The following FLT1 variants were observed in gnomAD, a reference collection of about 807,000 sequenced individuals.
The protein encoded by FLT1 is fms related receptor tyrosine kinase 1.
In FLT1, 49 loss-of-function variants were observed where a neutral mutation model predicts 156.3. The ratio of observed to expected loss-of-function variants is 0.31; its 90% CI spans 0.25 to 0.40. The LOEUF is 0.40. Ranked by LOEUF, FLT1 falls within the 10% of genes least tolerant of loss-of-function variation. FLT1 has a pLI of 1.00. For synonymous variants in FLT1, 594 were observed against 583.8 expected (o/e 1.02, Z -0.25); for missense variants, 1,322 against 1,637.2 (o/e 0.81, Z 3.32).
chr13:28,427,924 G>A lies in FLT1; in HGVS notation c.1107-3C>T, dbSNP rs2137540706. The A allele has an allele frequency of 6.2e-7, 1 of 1,611,936 alleles. No individual in the cohort carries two copies. The highest frequency in any genetic ancestry group is 8.5e-7 in the Non-Finnish European group (1 of 1,178,096). On this transcript the variant is annotated splice_polypyrimidine_tract_variant and splice_region_variant and intron_variant, in intron 8 of 29. Transcript: ENST00000282397. ...TCGCAGGTAACCCATCTTTTAACCTGTGGTTAAAAACATGATCAGTAAGTC... is the reference window on the plus strand; with the variant it reads ...TCGCAGGTAACCCATCTTTTAACCTATGGTTAAAAACATGATCAGTAAGTC...
rs375991605 is a variant in FLT1, at chr13:28,322,410, C to T, written c.2954-51G>A. ...TTTGTAATGGCTCTTGTTATCCCACCAAATCCCAGTTTATTGGAACAATGT... is the reference window on the plus strand; with the variant it reads ...TTTGTAATGGCTCTTGTTATCCCACTAAATCCCAGTTTATTGGAACAATGT... On this transcript the variant is annotated intron_variant, in intron 21 of 29. Transcript: ENST00000282397. The surrounding 1 kb of genome is among the most constrained non-coding windows in gnomAD (Gnocchi z 4.3). 3.7e-4 allele frequency: 421 copies of T among 1,150,076 alleles called. 1 individual carries two copies. Among genetic ancestry groups the T allele is most frequent in the Non-Finnish European group, 5.1e-4 (387 of 757,872 alleles). The allele number at this position is 1,150,076 out of a possible 1,614,324, so 71.2% of individuals were successfully genotyped here.
At chr13:28,343,637 T>C (rs1266055397) in intron 16 of FLT1, among the ~76,000 whole-genome samples, 3 of 151,178 alleles carry the variant, frequency 2.0e-5, no homozygotes, top group Non-Finnish European at 4.4e-5. Flanking sequence ...TCTTTTCTTT[T>C]TTTCTTTCTT....
chr13:28,326,812 A>G (rs961828729), intron 20 of FLT1, among the ~76,000 whole-genome samples: 1 of 152,220 alleles, frequency 6.6e-6, no homozygotes, highest in African/African-American at 2.4e-5. Context: ...GGCGTAAGCC[A>G]CCGTGCCTGG....
At chr13:28,465,278 G>A (rs537276432) in intron 3 of FLT1, among the ~76,000 whole-genome samples, 1 of 152,256 alleles carries the variant, frequency 6.6e-6, no homozygotes, top group Non-Finnish European at 1.5e-5. Context: ...GTGGAAGTGA[G>A]CTGATTGCAT....
chr13:28,338,359 A>G (rs1872197343), intron 17 of FLT1, among the ~76,000 whole-genome samples: 1 of 152,080 alleles, frequency 6.6e-6, no homozygotes, highest in African/African-American at 2.4e-5. Context: ...TGGCATACAC[A>G]GGAGTGAGTG....
intron 3 of FLT1, among the ~76,000 whole-genome samples, chr13:28,447,012 C>A (rs1249808602): frequency 1.3e-5 from 2 of 151,924 alleles, no homozygotes; most frequent in African/African-American, 4.8e-5. Context: ...TTCAAGGAGA[C>A]CATTCAGTGG....
intron 20 of FLT1, among the ~76,000 whole-genome samples, 175 bp downstream of exon 20, chr13:28,327,287 C>G (rs1305087064): frequency 6.6e-6 from 1 of 152,156 alleles, no homozygotes; most frequent in Non-Finnish European, 1.5e-5. Flanking sequence ...GCTATCCACA[C>G]TAGAGTGTAA....
At chr13:28,412,350 C>CTTTTCTTTCTTTCTTTTTCTTTTTT (rs71086853) in intron 10 of FLT1, among the ~76,000 whole-genome samples, 1 of 93,708 alleles carries the variant, frequency 1.1e-5, no homozygotes. Flanking sequence ...TTCTTTCTTT[C>CTTTTCTTTCTTTCTTTTTCTTTTTT]TCTTTCTTTC....
At chr13:28,350,333 C>T (rs190955336) in intron 15 of FLT1, among the ~76,000 whole-genome samples, 1 of 152,276 alleles carries the variant, frequency 6.6e-6, no homozygotes, top group East Asian at 1.9e-4. Context: ...AGACTGTTGA[C>T]CTGGTTGCAC....
chr13:28,426,726 G>A (rs560275712), intron 10 of FLT1, among the ~76,000 whole-genome samples: 5 of 152,326 alleles, frequency 3.3e-5, no homozygotes, highest in Admixed American at 2.0e-4. Flanking sequence ...AAGCCCAAAA[G>A]TAGGAAACAT....
intron 14 of FLT1, chr13:28,368,614 T>C (rs1032739786): frequency 7.2e-7 from 1 of 1,389,906 alleles, no homozygotes; most frequent in Non-Finnish European, 1.0e-6. Context: ...ATGATGATGA[T>C]GACAATGGTG....
chr13:28,370,083 T>C (rs1238436947), intron 14 of FLT1, among the ~76,000 whole-genome samples: 1 of 151,982 alleles, frequency 6.6e-6, no homozygotes, highest in Non-Finnish European at 1.5e-5. Flanking sequence ...GTGCCTGTAG[T>C]TCCAGCTACT....
At chr13:28,435,411 C>T (rs370784822) in intron 4 of FLT1, among the ~76,000 whole-genome samples, 1 of 152,114 alleles carries the variant, frequency 6.6e-6, no homozygotes, top group African/African-American at 2.4e-5. Flanking sequence ...AGTGGCCCAG[C>T]CAAATTCCCC....
chr13:28,389,727 T>C, intron 13 of FLT1, 69 bp downstream of exon 13: 1 of 1,613,046 alleles, frequency 6.2e-7, no homozygotes, highest in Non-Finnish European at 8.5e-7. Flanking sequence ...CTTTGTGTGG[T>C]ACAATCATTC....
chr13:28,448,344 G>T (rs1878730963), intron 3 of FLT1, among the ~76,000 whole-genome samples: 1 of 152,210 alleles, frequency 6.6e-6, no homozygotes, highest in African/African-American at 2.4e-5. Flanking sequence ...TAGGCAAAAG[G>T]TGGAAGCAAC....
At chr13:28,337,146 A>G (rs555468558) in intron 17 of FLT1, among the ~76,000 whole-genome samples, 1 of 150,508 alleles carries the variant, frequency 6.6e-6, no homozygotes, top group African/African-American at 2.4e-5. Context: ...GTTAGTGAGG[A>G]ATCTTTTTTT....
chr13:28,387,548 C>A (rs1358953697), intron 13 of FLT1: 1 of 1,062,968 alleles, frequency 9.4e-7, no homozygotes, highest in Non-Finnish European at 1.1e-6. Flanking sequence ...AGCTGCCCAC[C>A]AGGTTCTTTC....
At position 28,427,927 on chromosome 13, in the gene FLT1, G is replaced by T. The variant is rs780835790; in HGVS notation, c.1107-6C>A. On this transcript the variant is annotated splice_polypyrimidine_tract_variant and splice_region_variant and intron_variant, in intron 8 of 29. Coordinates refer to ENST00000282397, the MANE Select transcript of FLT1 (RefSeq NM_002019.4). ...CAGGTAACCCATCTTTTAACCTGTG[G>T]TTAAAAACATGATCAGTAAGTCATT... is the stretch of plus-strand genomic sequence containing the variant. 1.2e-6 allele frequency: 2 copies of T among 1,612,968 alleles called. No individual in the cohort carries two copies. The highest frequency in any genetic ancestry group is 3.3e-5 in the Admixed American group (2 of 59,994).
chr13:28,464,661 G>GTT (rs1879755649), intron 3 of FLT1, among the ~76,000 whole-genome samples: 1 of 152,232 alleles, frequency 6.6e-6, no homozygotes, highest in Non-Finnish European at 1.5e-5. Context: ...AGTCATGATT[G>GTT]TTTGCCAGAT....
Sources: gnomAD v4.1 joint callset for allele counts (sites outside exome capture counted in the v4.1 genomes callset) on GRCh38, gnomAD v4.1.1 for gene constraint, Gnocchi (gnomAD v3.1) non-coding constraint, MANE v1.5 for transcripts, NCBI Gene and HGNC (gene_info 2026-07-23, HGNC 2026-07-21) for gene names.